The following PPP1R21 variants were observed in gnomAD, a reference collection of about 807,000 sequenced individuals.
The protein encoded by PPP1R21 is protein phosphatase 1 regulatory subunit 21.
PPP1R21 carries 85 observed loss-of-function variants against 112.8 expected under a neutral mutation model. That is an observed-to-expected ratio of 0.75 (90% confidence interval 0.63 to 0.90). The LOEUF (loss-of-function observed/expected upper bound fraction) is 0.90. Ranked by LOEUF, PPP1R21 falls within the 40% of genes least tolerant of loss-of-function variation. The pLI, the probability that PPP1R21 is intolerant of heterozygous loss-of-function variation, is 0.00. For synonymous variants in PPP1R21, 381 were observed against 322.3 expected (o/e 1.18, Z -1.95); for missense variants, 1,199 against 901.5 (o/e 1.33, Z -4.23).
chr2:48,452,574 T>C (rs905284401), intron 2 of PPP1R21, among the ~76,000 whole-genome samples: 1 of 151,588 alleles, frequency 6.6e-6, no homozygotes, highest in Non-Finnish European at 1.5e-5. Context: ...TTTTACTGTT[T>C]ATTACAGTAG....
At position 48,474,465 on chromosome 2, in the gene PPP1R21, A is replaced by G. The variant is rs905303969; in HGVS notation, c.1089-218A>G. Reference sequence around the variant, plus strand: ...GGAAAGATAATGGACATATGCCTTTATCTGTTATTCCATTTAGTCATCTTA... The same window carrying G: ...GGAAAGATAATGGACATATGCCTTTGTCTGTTATTCCATTTAGTCATCTTA... On this transcript the variant is annotated intron_variant, in intron 11 of 21. Transcript: ENST00000294952. Among the ~76,000 whole-genome samples the G allele has an allele frequency of 5.3e-5, 8 of 152,214 alleles. No homozygotes were observed. In the South Asian group the frequency reaches 1.7e-3, roughly 31 times the overall value.
In PPP1R21 at chr2:48,440,841, T is replaced by C. The variant is rs1666984050; in HGVS notation, c.-113T>C. 4.4e-6 allele frequency: 3 copies of C among 680,918 alleles called. No individual in the cohort carries two copies. Among genetic ancestry groups the C allele is most frequent in the East Asian group, 3.8e-5 (1 of 26,636 alleles). The allele number at this position is 680,918 out of a possible 1,614,324, so 42.2% of individuals were successfully genotyped here. On this transcript the variant is annotated 5_prime_UTR_variant, in exon 1 of 22. Transcript: ENST00000294952. Reference sequence around the variant, plus strand: ...GCGGCGGCGGCGGCGGCGGCTGCGGTGGCCAAGCAGGCAGATACTGCCTGA... The same window carrying C: ...GCGGCGGCGGCGGCGGCGGCTGCGGCGGCCAAGCAGGCAGATACTGCCTGA...
Position 48,461,180 on chromosome 2 carries a change from A to T in PPP1R21, c.642A>T (p.Arg214Ser), listed in dbSNP as rs1045408191. 5 of 1,583,686 alleles carry T rather than the reference A, an allele frequency of 3.2e-6. No homozygotes were observed. In the African/African-American group the frequency reaches 6.9e-5, roughly 22 times the overall value. ...LKTLHEDLSG[R>S]LEESLSIINE... is the part of the protein sequence containing the mutation. Reference sequence around the variant, plus strand: ...CTCTTCATGAAGATTTGTCAGGTAGATTAGAGGAATCCTTATCAATCATCA... The same window carrying T: ...CTCTTCATGAAGATTTGTCAGGTAGTTTAGAGGAATCCTTATCAATCATCA... The change falls in exon 7 of 22, where the codon AGA becomes AGT. Residue 214 changes from arginine to serine, a missense_variant. Arg to Ser is a moderately radical substitution (Grantham distance 110). Coordinates refer to ENST00000294952, the MANE Select transcript of PPP1R21 (RefSeq NM_001135629.3).
At position 48,495,262 on chromosome 2, in the gene PPP1R21, G is replaced by A. The variant is rs148917083; in HGVS notation, c.1600-417G>A. On this transcript the variant is annotated intron_variant, in intron 15 of 21. Transcript: ENST00000294952. ...TCTGTTGTCCAGGCTAGAGTGCAAT[G>A]GCACAATCTCTGCTCACTGCAACCT... Among the ~76,000 whole-genome samples, 621 of 151,926 alleles carry A rather than the reference G, an allele frequency of 4.1e-3. 3 individuals carry two copies. The highest frequency in any genetic ancestry group is 0.014 in the African/African-American group (584 of 41,440).
intron 13 of PPP1R21, among the ~76,000 whole-genome samples, chr2:48,481,452 C>G (rs1457476993): frequency 1.3e-5 from 2 of 152,154 alleles, no homozygotes; most frequent in Non-Finnish European, 2.9e-5. Context: ...GTGCTTTTTT[C>G]CTGTGAGGCT....
In PPP1R21 at chr2:48,458,164, G is replaced by T. The variant is rs758671440; in HGVS notation, c.312G>T (p.Gln104His). The T allele has an allele frequency of 2.9e-5, 46 of 1,612,552 alleles. No homozygotes were observed. The highest frequency in any genetic ancestry group is 3.8e-5 in the Non-Finnish European group (45 of 1,179,012). The change falls in exon 4 of 22, where the codon CAG (glutamine) becomes CAT (histidine). Residue 104 changes from glutamine (Q) to histidine (H), a missense_variant. By Grantham distance (24) the Gln-to-His change is conservative (BLOSUM62 0). Transcript: ENST00000294952. ...GESSSQLSQE[Q>H]KSVFDEDLQK... The stretch of plus-strand genomic sequence containing the variant: ...CTTCTTCTCAGTTGAGTCAAGAGCA[G>T]AAGAGTGTCTTTGATGAAGATCTGC...
chr2:48,481,582 A>T (rs2103897215), intron 13 of PPP1R21, among the ~76,000 whole-genome samples: 1 of 152,090 alleles, frequency 6.6e-6, no homozygotes, highest in East Asian at 1.9e-4. Flanking sequence ...TTGTTTTAAA[A>T]TTTTTCCTCT....
intron 14 of PPP1R21, among the ~76,000 whole-genome samples, chr2:48,490,236 A>G (rs931101968): frequency 6.6e-4 from 100 of 151,092 alleles, no homozygotes; most frequent in Non-Finnish European, 1.0e-3. Flanking sequence ...AAAAAAAAAA[A>G]AAAGAAAGAA....
chr2:48,486,772 G>T lies in PPP1R21; in HGVS notation c.1446+14G>T. On this transcript the variant is annotated intron_variant, in intron 14 of 21. Transcript: ENST00000294952. ...GGAGCAGGAAAGGTAATTCTCTTCT[G>T]GCGTATATTGATGTTAAAACTCTTA... is the stretch of plus-strand genomic sequence containing the variant. 6.2e-7 allele frequency: 1 copy of T among 1,607,000 alleles called. No homozygotes were observed. The highest frequency in any genetic ancestry group is 1.7e-4 in the Middle Eastern group (1 of 6,014).
intron 8 of PPP1R21, among the ~76,000 whole-genome samples, 196 bp downstream of exon 8, chr2:48,465,185 A>G (rs530486686): frequency 1.3e-5 from 2 of 152,172 alleles, no homozygotes; most frequent in African/African-American, 4.8e-5. Flanking sequence ...GATTTTTGCT[A>G]TCTCCCTTGT....
intron 4 of PPP1R21, 142 bp from the exon 5 acceptor site, chr2:48,459,609 TTAA>T: frequency 1.2e-6 from 1 of 803,468 alleles, no homozygotes; most frequent in Non-Finnish European, 1.9e-6. Flanking sequence ...CTGTGAGGAT[TTAA>T]TGAGATAATG....
At chr2:48,459,543 T>C (rs1017127063) in intron 4 of PPP1R21, among the ~76,000 whole-genome samples, 2 of 152,208 alleles carry the variant, frequency 1.3e-5, no homozygotes, top group African/African-American at 4.8e-5. Flanking sequence ...ATTAACTCTT[T>C]TAAGCTTGAG....
At chr2:48,485,585 A>G (rs1669246594) in intron 13 of PPP1R21, among the ~76,000 whole-genome samples, 1 of 151,974 alleles carries the variant, frequency 6.6e-6, no homozygotes, top group Non-Finnish European at 1.5e-5. Flanking sequence ...ATATAAATAT[A>G]GGAATATATT....
chr2:48,486,782 G>C, intron 14 of PPP1R21, 24 bp downstream of exon 14: 1 of 1,602,156 alleles, frequency 6.2e-7, no homozygotes, highest in South Asian at 1.1e-5. Flanking sequence ...GGCGTATATT[G>C]ATGTTAAAAC....
chr2:48,459,498 C>G (rs1214243765), intron 4 of PPP1R21, among the ~76,000 whole-genome samples: 1 of 152,102 alleles, frequency 6.6e-6, no homozygotes, highest in Non-Finnish European at 1.5e-5. Flanking sequence ...AATCTCAGTT[C>G]TACTATATTT....
rs778562693 is a variant in PPP1R21, at chr2:48,465,551, C to G, written c.806C>G (p.Ala269Gly). 3 of 1,613,928 alleles carry G rather than the reference C, an allele frequency of 1.9e-6. No homozygotes were observed. The highest frequency in any genetic ancestry group is 2.2e-5 in the East Asian group (1 of 44,860). Residue 269 changes from alanine (A) to glycine (G), a missense_variant, in exon 9 of 22, where the codon GCT becomes GGT. Transcript: ENST00000294952. ...ALAFVQDLVT[A>G]LLNFHTYTEQ... ...GCTTTTGTTCAGGATCTTGTGACGGCTCTTCTAAACTTTCATACCTACACA... is the reference window on the plus strand; with the variant it reads ...GCTTTTGTTCAGGATCTTGTGACGGGTCTTCTAAACTTTCATACCTACACA...
intron 17 of PPP1R21, among the ~76,000 whole-genome samples, chr2:48,504,127 A>T (rs1465379379): frequency 1.3e-5 from 2 of 152,084 alleles, no homozygotes; most frequent in African/African-American, 4.8e-5. Flanking sequence ...GAATATGTAA[A>T]ATTAAATGAT....
intron 9 of PPP1R21, 99 bp downstream of exon 9, chr2:48,465,741 G>A: frequency 9.4e-7 from 1 of 1,063,668 alleles, no homozygotes; most frequent in Non-Finnish European, 1.3e-6. Flanking sequence ...GTACTGCAAA[G>A]GACATGGAAA....
intron 17 of PPP1R21, among the ~76,000 whole-genome samples, chr2:48,502,676 C>CTTTTT (rs762811938): frequency 0.018 from 1,649 of 93,638 alleles, 3 homozygotes; most frequent in Non-Finnish European, 0.022. Context: ...AGAAACTTTT[C>CTTTTT]TTTTTTTTTT....
Sources: allele counts gnomAD v4.1 joint callset (sites outside exome capture counted in the v4.1 genomes callset), GRCh38; gene constraint gnomAD v4.1.1; transcripts MANE v1.5; gene names NCBI Gene and HGNC (gene_info 2026-07-23, HGNC 2026-07-21).